The following WWC2 variants were observed in gnomAD, a reference collection of about 807,000 sequenced individuals.
The protein encoded by WWC2 is WW and C2 domain containing 2.
In WWC2, 101 loss-of-function variants were observed where a neutral mutation model predicts 138.5. The observed-to-expected ratio is 0.73, with a 90% CI of 0.62 to 0.86. The LOEUF is 0.86. WWC2 is among the 40% of genes least tolerant of loss of function. The probability of loss-of-function intolerance (pLI) is 0.00; values close to 1 mark genes in which losing one functional copy is unlikely to be tolerated. For missense variants in WWC2, 1,420 were observed against 1,419.4 expected, an observed-to-expected ratio of 1.00 and a Z score of -0.01; for synonymous variants, 558 against 538.4, an observed-to-expected ratio of 1.04 and a Z score of -0.50.
chr4:183,125,000 A>G (rs1357700017), intron 1 of WWC2, among the ~76,000 whole-genome samples: 1 of 152,206 alleles, frequency 6.6e-6, no homozygotes, highest in African/African-American at 2.4e-5. Context: ...AAGAGCAGGA[A>G]GCATTCCCAG....
chr4:183,141,135 T>A (rs1561433353), intron 1 of WWC2, among the ~76,000 whole-genome samples: 4 of 152,206 alleles, frequency 2.6e-5, no homozygotes, highest in Non-Finnish European at 5.9e-5. Context: ...CAGCTCAGGC[T>A]GCCATAACAA....
At chr4:183,133,253 C>T (rs1464508388) in intron 1 of WWC2, among the ~76,000 whole-genome samples, 1 of 148,686 alleles carries the variant, frequency 6.7e-6, no homozygotes, top group African/African-American at 2.5e-5. Context: ...CTTCTGGGCT[C>T]AAGCCTTTGT....
rs1300397704 is a variant in WWC2 at position 183,164,265 on chromosome 4, CATATATATATATATATAT to C, written c.132-29316_132-29299del. 8.5e-3 allele frequency among the ~76,000 whole-genome samples: 620 copies of C among 72,836 alleles called. 28 individuals carry two copies. The highest frequency in any genetic ancestry group is 0.035 in the African/African-American group (600 of 17,330). 47.8% of individuals were successfully genotyped at this position (72,836 alleles called of 152,430 possible). A position where few individuals can be genotyped will look rare whatever the true frequency, so the allele number is the denominator to read the frequency against. On this transcript the variant is annotated intron_variant, in intron 1 of 22. Transcript: ENST00000403733. ...CCTGCATTATGTGATTTGGTGTGCG[CATATATATATATATATAT>C]ATATATATATATATATACATATATA...
chr4:183,202,053 G>T (rs1735315441), intron 2 of WWC2, among the ~76,000 whole-genome samples: 1 of 152,162 alleles, frequency 6.6e-6, no homozygotes, highest in African/African-American at 2.4e-5. Context: ...ATGGCCCAGA[G>T]CCTGTATTGT....
At chr4:183,133,084 A>ACCTTTTTCCTTCCTTCTTCCCTTC (rs1561429337) in intron 1 of WWC2, among the ~76,000 whole-genome samples, 61 of 80,902 alleles carry the variant, frequency 7.5e-4, no homozygotes, top group African/African-American at 3.5e-3. Context: ...CTCTTCCCTT[A>ACCTTTTTCCTTCCTTCTTCCCTTC]CCTTTTTCCT....
At chr4:183,255,640 G>C in intron 9 of WWC2, among the ~76,000 whole-genome samples, 1 of 152,124 alleles carries the variant, frequency 6.6e-6, no homozygotes, top group Middle Eastern at 3.4e-3. Flanking sequence ...AAACAGATTT[G>C]TTCTGGCAGA....
intron 21 of WWC2, among the ~76,000 whole-genome samples, chr4:183,305,537 GAGAACAA>G (rs2111109087): frequency 6.6e-6 from 1 of 152,120 alleles, no homozygotes; most frequent in East Asian, 1.9e-4. Flanking sequence ...TTCCTTACAG[GAGAACAA>G]AGACAAGTAT....
intron 4 of WWC2, chr4:183,233,767 T>C (rs565433500): frequency 6.6e-6 from 1 of 152,324 alleles, no homozygotes; most frequent in African/African-American, 2.4e-5. Context: ...TTTGACTATC[T>C]ATCTGGAGTT....
At chr4:183,161,277 C>T (rs1269947235) in intron 1 of WWC2, among the ~76,000 whole-genome samples, 1 of 152,178 alleles carries the variant, frequency 6.6e-6, no homozygotes, top group Non-Finnish European at 1.5e-5. Context: ...CAAACAGAAA[C>T]TTCATTAATC....
chr4:183,308,451 T>C (rs1739094769), intron 21 of WWC2, among the ~76,000 whole-genome samples: 1 of 152,098 alleles, frequency 6.6e-6, no homozygotes, highest in Non-Finnish European at 1.5e-5. Context: ...GGACTGACGC[T>C]ACCTGACTTC....
chr4:183,300,044 C>T (rs1050649137), intron 21 of WWC2, among the ~76,000 whole-genome samples: 1 of 152,156 alleles, frequency 6.6e-6, no homozygotes, highest in African/African-American at 2.4e-5. Context: ...TGTAAAACCC[C>T]CTCAGGAAGC....
intron 5 of WWC2, among the ~76,000 whole-genome samples, chr4:183,241,679 C>T (rs989784576): frequency 2.6e-5 from 4 of 152,132 alleles, no homozygotes; most frequent in Non-Finnish European, 5.9e-5. Flanking sequence ...GTTGTAAGAA[C>T]CTCAGCTGGT....
chr4:183,245,576 C>A, intron 6 of WWC2, 31 bp downstream of exon 6: 1 of 1,535,464 alleles, frequency 6.5e-7, no homozygotes, highest in Non-Finnish European at 8.7e-7. Context: ...TTAAGCCAAA[C>A]TTCTACCTTC....
Position 183,261,127 on chromosome 4 carries a change from A to G in WWC2, c.1504A>G (p.Ile502Val), listed in dbSNP as rs373477852. The G allele has an allele frequency of 1.9e-6, 3 of 1,614,008 alleles. No homozygotes were observed. In the African/African-American group the frequency reaches 4.0e-5, roughly 22 times the overall value. The stretch of plus-strand genomic sequence containing the variant: ...AAGCGGTTACATTCCTTCTGGACCC[A>G]TCACCACCATCCATGAAAACGAGGT... Reference protein sequence around the residue: ...EKSGYIPSGPITTIHENEVVK... With the variant: ...EKSGYIPSGPVTTIHENEVVK... The change falls in exon 11 of 23, where the codon ATC (isoleucine) becomes GTC (valine). Residue 502 changes from isoleucine (I) to valine (V), a missense_variant. Coordinates refer to ENST00000403733, the MANE Select transcript of WWC2 (RefSeq NM_024949.6).
chr4:183,268,979 G>C lies in WWC2; in HGVS notation c.2216G>C (p.Arg739Thr). ...ATTCTTGTTCTTTGCAGATATTTTA[G>C]GGTTGCCGTTCTTCCTTCCTCAACT... ...LIPHTSKVYFRVAVLPSSTDV... is the reference protein window; with the variant it reads ...LIPHTSKVYFTVAVLPSSTDV... Residue 739 changes from arginine to threonine, a missense_variant, in exon 15 of 23, where the codon AGG becomes ACG. Arg to Thr is a moderately conservative substitution (Grantham distance 71, BLOSUM62 -1). Transcript: ENST00000403733. 6.2e-7 allele frequency: 1 copy of C among 1,611,494 alleles called. No homozygotes were observed. The highest frequency in any genetic ancestry group is 8.5e-7 in the Non-Finnish European group (1 of 1,179,160).
chr4:183,292,823 G>T (rs983284210), intron 21 of WWC2, among the ~76,000 whole-genome samples: 1 of 152,112 alleles, frequency 6.6e-6, no homozygotes, highest in Non-Finnish European at 1.5e-5. Flanking sequence ...AAAATCGCAG[G>T]CCAGGCCAGT....
At chr4:183,166,465 G>A (rs1338348294) in intron 1 of WWC2, among the ~76,000 whole-genome samples, 1 of 152,162 alleles carries the variant, frequency 6.6e-6, no homozygotes, top group African/African-American at 2.4e-5. Flanking sequence ...ATAGTGTTTT[G>A]TAAGGTGGAG....
chr4:183,251,112 G>A (rs549282360), intron 8 of WWC2, among the ~76,000 whole-genome samples: 2 of 152,300 alleles, frequency 1.3e-5, no homozygotes, highest in South Asian at 2.1e-4. Context: ...TAATTTTAAT[G>A]CCTTTAAATT....
chr4:183,259,270 C>A (rs944518952), intron 9 of WWC2, among the ~76,000 whole-genome samples: 1 of 152,132 alleles, frequency 6.6e-6, no homozygotes, highest in African/African-American at 2.4e-5. Context: ...AAAGGGTTCC[C>A]AGGTCACAGA....
Sources: gnomAD v4.1 joint callset for allele counts (sites outside exome capture counted in the v4.1 genomes callset) on GRCh38, gnomAD v4.1.1 for gene constraint, MANE v1.5 for transcripts, NCBI Gene and HGNC (gene_info 2026-07-23, HGNC 2026-07-21) for gene names.